Variants in GRID2 observed in about 807,000 individuals in gnomAD.
GRID2 encodes the protein glutamate receptor ionotropic, delta-2.
Under a neutral mutation model 114.8 loss-of-function variants are expected in GRID2, and 33 were observed. The ratio of observed to expected loss-of-function variants is 0.29; its 90% CI spans 0.22 to 0.38. The LOEUF (loss-of-function observed/expected upper bound fraction) is 0.38, where lower values mean the gene tolerates loss of function less well. Among genes scored for constraint, GRID2 ranks in the 10% least tolerant of loss-of-function variants. The probability of loss-of-function intolerance (pLI) is 1.00; values close to 1 mark genes in which losing one functional copy is unlikely to be tolerated. For synonymous variants in GRID2, 505 were observed against 449.9 expected, an observed-to-expected ratio of 1.12 and a Z score of -1.55; for missense variants, 1,184 against 1,257.7, an observed-to-expected ratio of 0.94 and a Z score of 0.89.
intron 8 of GRID2, among the ~76,000 whole-genome samples, chr4:93,373,498 C>A (rs1763112036): frequency 6.6e-6 from 1 of 152,108 alleles, no homozygotes; most frequent in African/African-American, 2.4e-5. Context: ...GCCTCTCCAA[C>A]AAGATGTTAT....
intron 9 of GRID2, among the ~76,000 whole-genome samples, chr4:93,398,154 T>TA (rs1560579294): frequency 6.8e-6 from 1 of 146,188 alleles, no homozygotes; most frequent in Non-Finnish European, 1.5e-5. Flanking sequence ...TATATATATC[T>TA]TATCATTAAG....
intron 2 of GRID2, among the ~76,000 whole-genome samples, chr4:92,634,847 G>A (rs188595108): frequency 1.1e-3 from 147 of 137,884 alleles, no homozygotes; most frequent in Non-Finnish European, 1.7e-3. Flanking sequence ...GCATGCATTC[G>A]TTGCAGAGAG....
At chr4:92,922,430 G>A (rs144544372) in intron 2 of GRID2, among the ~76,000 whole-genome samples, 3 of 152,082 alleles carry the variant, frequency 2.0e-5, no homozygotes, top group African/African-American at 7.2e-5. Context: ...CCCATCCTCT[G>A]TGTCGCTCAT....
At chr4:92,916,755 T>C (rs1223040919) in intron 2 of GRID2, among the ~76,000 whole-genome samples, 1 of 152,204 alleles carries the variant, frequency 6.6e-6, no homozygotes, top group Non-Finnish European at 1.5e-5. Flanking sequence ...TAATCCAGTC[T>C]ATCATTGTTG....
At chr4:93,099,719 C>A (rs1331539542) in intron 3 of GRID2, among the ~76,000 whole-genome samples, 1 of 151,830 alleles carries the variant, frequency 6.6e-6, no homozygotes, top group Non-Finnish European at 1.5e-5. Flanking sequence ...GTCTAGTGAT[C>A]TAAACTACTT....
chr4:93,011,065 G>T lies in GRID2; in HGVS notation c.245-73930G>T, dbSNP rs182082509. ...TTGCTATTTTTTGTTTCACTGATTAGAAATATAATTTTTTAATATGTCCAG... is the reference window on the plus strand; with the variant it reads ...TTGCTATTTTTTGTTTCACTGATTATAAATATAATTTTTTAATATGTCCAG... On this transcript the variant is annotated intron_variant, in intron 2 of 15. Transcript: ENST00000282020. Among the ~76,000 whole-genome samples, 203 of 150,108 alleles carry T rather than the reference G, an allele frequency of 1.4e-3. 1 individual carries two copies. The highest frequency in any genetic ancestry group is 4.9e-3 in the African/African-American group (200 of 41,056).
intron 2 of GRID2, chr4:92,822,257 T>C: frequency 1.8e-6 from 1 of 566,812 alleles, no homozygotes; most frequent in Non-Finnish European, 3.5e-6. Context: ...GGTGCTTGCC[T>C]TTGTTGAGAT....
At chr4:93,506,143 T>C (rs1728603292) in intron 12 of GRID2, among the ~76,000 whole-genome samples, 2 of 152,204 alleles carry the variant, frequency 1.3e-5, no homozygotes, top group Non-Finnish European at 2.9e-5. Context: ...AAGTAGTCCA[T>C]GACATCTACC....
intron 14 of GRID2, among the ~76,000 whole-genome samples, chr4:93,710,967 C>T (rs1728429592): frequency 6.6e-6 from 1 of 151,808 alleles, no homozygotes; most frequent in African/African-American, 2.4e-5. Context: ...GACTGAATCT[C>T]CCCCTTCAGA....
At chr4:93,752,902 G>A (rs1457310849) in intron 14 of GRID2, among the ~76,000 whole-genome samples, 1 of 152,096 alleles carries the variant, frequency 6.6e-6, no homozygotes, top group African/African-American at 2.4e-5. Context: ...TCAACACCTG[G>A]TATATCAGTG....
At chr4:92,317,855 C>T (rs1213309632) in intron 1 of GRID2, among the ~76,000 whole-genome samples, 3 of 152,080 alleles carry the variant, frequency 2.0e-5, no homozygotes, top group Non-Finnish European at 2.9e-5. Flanking sequence ...AACTGCCCTC[C>T]AGGGGTAATG....
intron 14 of GRID2, among the ~76,000 whole-genome samples, chr4:93,634,769 G>A (rs571683493): frequency 6.6e-6 from 1 of 152,096 alleles, no homozygotes; most frequent in Non-Finnish European, 1.5e-5. Context: ...TACTACAAAA[G>A]AATTAGGAAA....
intron 2 of GRID2, among the ~76,000 whole-genome samples, chr4:93,042,629 A>C (rs147081016): frequency 0.024 from 3,365 of 142,234 alleles, 58 homozygotes; most frequent in African/African-American, 0.048. Flanking sequence ...CTCTCTCTAT[A>C]TATATATATA....
At chr4:93,280,161 A>C (rs572777863) in intron 8 of GRID2, among the ~76,000 whole-genome samples, 1 of 152,070 alleles carries the variant, frequency 6.6e-6, no homozygotes, top group Non-Finnish European at 1.5e-5. Flanking sequence ...GAGATAGAGA[A>C]CAAACAAAAC....
rs995096256 is a variant in GRID2 at position 92,691,762 on chromosome 4, A to G, written c.244+101476A>G. Among the ~76,000 whole-genome samples, 8 of 152,314 alleles carry G rather than the reference A, an allele frequency of 5.3e-5. No individual in the cohort carries two copies. The East Asian group carries it at 1.5e-3, about 29-fold the overall frequency. On this transcript the variant is annotated intron_variant, in intron 2 of 15. Transcript: ENST00000282020. ...TTATTCTAAGCTGTTTTTGGTTCCC[A>G]TCATCACACATACCAATGCCAGAGT...
chr4:92,976,109 A>C (rs1018786074), intron 2 of GRID2, among the ~76,000 whole-genome samples: 1 of 152,070 alleles, frequency 6.6e-6, no homozygotes, highest in Non-Finnish European at 1.5e-5. Flanking sequence ...TTATTCTTCT[A>C]CTCAATCATA....
intron 14 of GRID2, among the ~76,000 whole-genome samples, chr4:93,657,188 T>G (rs553901346): frequency 8.9e-4 from 136 of 152,304 alleles, no homozygotes; most frequent in South Asian, 8.3e-3. Context: ...ATATTTTTAT[T>G]TCTTTTCACA....
intron 2 of GRID2, among the ~76,000 whole-genome samples, chr4:92,907,063 A>AG (rs1198417482): frequency 1.3e-5 from 2 of 152,296 alleles, no homozygotes; most frequent in African/African-American, 2.4e-5. Flanking sequence ...AAGAATACAA[A>AG]GGTATTTTAT....
chr4:93,451,063 T>C (rs1447658535), intron 10 of GRID2, among the ~76,000 whole-genome samples: 2 of 152,040 alleles, frequency 1.3e-5, no homozygotes, highest in African/African-American at 4.8e-5. Flanking sequence ...TTAGGTAATA[T>C]AAGTTTAGTA....
Sources: gnomAD v4.1 joint callset for allele counts (sites outside exome capture counted in the v4.1 genomes callset) on GRCh38, gnomAD v4.1.1 for gene constraint, MANE v1.5 for transcripts, NCBI Gene and HGNC (gene_info 2026-07-23, HGNC 2026-07-21) for gene names.